The following TNS1 variants were observed in gnomAD, a reference collection of about 807,000 sequenced individuals.
TNS1 encodes tensin 1, also known as tensin-1.
Under a neutral mutation model 168.6 loss-of-function variants are expected in TNS1, and 62 were observed. The ratio of observed to expected loss-of-function variants is 0.37; its 90% confidence interval spans 0.30 to 0.45. The LOEUF (loss-of-function observed/expected upper bound fraction) is 0.45, where lower values mean the gene tolerates loss of function less well. TNS1 is among the 20% of genes least tolerant of loss of function. The pLI is 1.00. For missense variants in TNS1, 2,240 were observed against 2,339.4 expected, an observed-to-expected ratio of 0.96 and a Z score of 0.88; for synonymous variants, 934 against 933.2, an observed-to-expected ratio of 1.00 and a Z score of -0.02.
intron 4 of TNS1, among the ~76,000 whole-genome samples, chr2:217,910,499 A>G (rs146742041): frequency 6.6e-6 from 1 of 151,986 alleles, no homozygotes; most frequent in Non-Finnish European, 1.5e-5. Context: ...ACTGGGAAGG[A>G]AAAAGGCATG....
intron 1 of TNS1, among the ~76,000 whole-genome samples, chr2:217,999,021 G>T (rs137864714): frequency 5.3e-5 from 8 of 152,236 alleles, no homozygotes; most frequent in African/African-American, 1.9e-4. Flanking sequence ...GGGGGGTGTG[G>T]TTAGAAAGCC....
At position 218,024,564 on chromosome 2, in the gene TNS1, C is replaced by G. The variant is rs141400239; in HGVS notation, c.156+9256G>C. 1.8e-4 allele frequency among the ~76,000 whole-genome samples: 28 copies of G among 152,182 alleles called. No homozygotes were observed. The East Asian group carries it at 5.2e-3, about 28-fold the overall frequency. On this transcript the variant is annotated intron_variant, in intron 1 of 1. Coordinates refer to the TNS1 transcript ENST00000649572. ...CCACAGATGGCCTCAGCTCAGTGCC[C>G]AGAAATAGTCTCTCCTGCTCCAGCT... is the stretch of plus-strand genomic sequence containing the variant.
chr2:217,893,063 GC>G, intron 10 of TNS1, 51 bp from the exon 11 acceptor site: 2 of 1,604,290 alleles, frequency 1.2e-6, no homozygotes, highest in Non-Finnish European at 1.7e-6. Context: ...CAGCCTTGCT[GC>G]CCCAGAGCTT....
At chr2:217,865,101 A>T (rs1559264154) in intron 18 of TNS1, among the ~76,000 whole-genome samples, 3 of 152,058 alleles carry the variant, frequency 2.0e-5, no homozygotes, top group Non-Finnish European at 2.9e-5. Flanking sequence ...TTGTGAGCAG[A>T]GGGGTCCATG....
intron 19 of TNS1, among the ~76,000 whole-genome samples, chr2:217,845,665 C>T (rs1297223624): frequency 1.3e-5 from 2 of 152,188 alleles, no homozygotes; most frequent in Admixed American, 1.3e-4. Flanking sequence ...GACTTCATGG[C>T]AGCCAAAGCC....
chr2:217,847,489 T>G, intron 19 of TNS1, 21 bp downstream of exon 19: 1 of 1,414,402 alleles, frequency 7.1e-7, no homozygotes, highest in Non-Finnish European at 9.3e-7. Context: ...GTAGAAGGAG[T>G]CAGGACTGAA....
intron 18 of TNS1, chr2:217,879,283 C>G (rs912778832): frequency 5.7e-6 from 2 of 348,230 alleles, no homozygotes; most frequent in Admixed American, 3.6e-5. Context: ...GATGGAGAGA[C>G]AGTAAAAATT....
intron 3 of TNS1, among the ~76,000 whole-genome samples, chr2:217,941,401 A>G (rs894321931): frequency 3.3e-5 from 5 of 152,236 alleles, no homozygotes; most frequent in African/African-American, 9.6e-5. Flanking sequence ...CAGGAGGCAT[A>G]GGAAGAACCT....
chr2:217,996,959 C>T (rs964141356), intron 1 of TNS1, among the ~76,000 whole-genome samples: 4 of 152,068 alleles, frequency 2.6e-5, no homozygotes, highest in African/African-American at 7.2e-5. Flanking sequence ...ATCCACTTCC[C>T]GGCTCCCTGC....
intron 5 of TNS1, 109 bp from the exon 6 acceptor site, chr2:217,906,494 G>A: frequency 1.5e-6 from 1 of 671,620 alleles, no homozygotes; most frequent in Non-Finnish European, 2.7e-6. Context: ...AGAGGGGCCT[G>A]GGAAAGAACT....
chr2:217,941,584 C>G (rs1438641188), intron 3 of TNS1, among the ~76,000 whole-genome samples: 4 of 152,200 alleles, frequency 2.6e-5, no homozygotes, highest in Non-Finnish European at 4.4e-5. Context: ...CCAGAGGACA[C>G]AGCTTCCTGA....
At chr2:217,968,428 C>T (rs73080347) in intron 3 of TNS1, among the ~76,000 whole-genome samples, 1 of 152,038 alleles carries the variant, frequency 6.6e-6, no homozygotes, top group South Asian at 2.1e-4. Flanking sequence ...TTAATAAATA[C>T]TGATGATTGT....
intron 3 of TNS1, among the ~76,000 whole-genome samples, chr2:217,959,688 T>G (rs911115224): frequency 7.2e-5 from 11 of 152,060 alleles, no homozygotes; most frequent in Non-Finnish European, 5.9e-5. Flanking sequence ...TTATTATTAT[T>G]ATGGACTATC....
intron 18 of TNS1, among the ~76,000 whole-genome samples, chr2:217,868,807 A>C (rs2098626869): frequency 1.3e-5 from 2 of 152,198 alleles, no homozygotes; most frequent in Admixed American, 1.3e-4. Flanking sequence ...GGGGCCTCCC[A>C]AGGATCTTCC....
At chr2:218,008,582 AATCCCTGAGG>A (rs1461863115) in intron 1 of TNS1, among the ~76,000 whole-genome samples, 1 of 152,244 alleles carries the variant, frequency 6.6e-6, no homozygotes, top group Non-Finnish European at 1.5e-5. Context: ...CCTCTCAGCC[AATCCCTGAGG>A]ACAATGCATT....
chr2:217,869,362 G>A (rs761725474), intron 18 of TNS1, among the ~76,000 whole-genome samples: 12 of 152,314 alleles, frequency 7.9e-5, no homozygotes, highest in East Asian at 1.9e-4. Context: ...AGGGAGGAGC[G>A]CCCAAGGCCT....
chr2:217,947,596 G>C (rs997284355), intron 3 of TNS1, among the ~76,000 whole-genome samples: 1 of 152,194 alleles, frequency 6.6e-6, no homozygotes, highest in Non-Finnish European at 1.5e-5. Flanking sequence ...GCAATGAATT[G>C]TGTGTGTCGG....
Position 217,957,874 on chromosome 2 carries a change from G to T in TNS1, c.186+20891C>A, listed in dbSNP as rs551485056. ...AAAAAAAAAAAAAAGGTGGGGAGAA[G>T]AGGGAGAACAGATGAAACAAAAACA... On this transcript the variant is annotated intron_variant, in intron 3 of 32. Coordinates refer to ENST00000682258, the MANE Select transcript of TNS1 (RefSeq NM_001387777.1). Among the ~76,000 whole-genome samples, 8 of 146,022 alleles carry T rather than the reference G, an allele frequency of 5.5e-5. No individual in the cohort carries two copies. The East Asian group carries it at 1.6e-3, about 29-fold the overall frequency.
Position 217,945,936 on chromosome 2 carries a change from G to A in TNS1, c.187-25700C>T, listed in dbSNP as rs1957094150. ...ATGTGGGGATTGTGCTATAAAATTAGAACCCCTCCCACTAGCAGGTATCCG... is the reference window on the plus strand; with the variant it reads ...ATGTGGGGATTGTGCTATAAAATTAAAACCCCTCCCACTAGCAGGTATCCG... On this transcript the variant is annotated intron_variant, in intron 3 of 32. Transcript: ENST00000682258. Among the ~76,000 whole-genome samples, 3 of 152,050 alleles carry A rather than the reference G, an allele frequency of 2.0e-5. No homozygotes were observed. In the South Asian group the frequency reaches 6.2e-4, roughly 32 times the overall value.
Sources: gnomAD v4.1 joint callset for allele counts (sites outside exome capture counted in the v4.1 genomes callset) on GRCh38, gnomAD v4.1.1 for gene constraint, MANE v1.5 for transcripts, NCBI Gene and HGNC (gene_info 2026-07-23, HGNC 2026-07-21) for gene names.